STX5: variants seen among roughly 807,000 people sequenced by gnomAD.
STX5 encodes the protein syntaxin-5.
In STX5, 15 loss-of-function variants were observed where a neutral mutation model predicts 42.9. The observed-to-expected ratio is 0.35, with a 90% CI of 0.23 to 0.54. The LOEUF is 0.54. STX5 is among the 20% of genes least tolerant of loss of function. STX5 has a pLI of 0.91. For synonymous variants in STX5, 184 were observed against 173.2 expected (o/e 1.06, Z -0.49); for missense variants, 430 against 455.0 (o/e 0.95, Z 0.50).
Position 62,825,501 on chromosome 11 carries a change from C to T in STX5, c.462G>A (p.Gln154=). Residue 154 remains glutamine (Q), a synonymous_variant, in exon 6 of 11, where the codon CAG becomes CAA. Coordinates refer to ENST00000294179, the MANE Select transcript of STX5 (RefSeq NM_003164.5). ...NSLNKQIAQL[Q]DFVRAKGSQS... ...GGCTGCCCTTGGCTCTCACGAAATC[C>T]TGGAGCTGAGCAATTTGTTTGTTGA... 1 of 1,613,942 alleles carries T rather than the reference C, an allele frequency of 6.2e-7. No homozygotes were observed. The highest frequency in any genetic ancestry group is 8.5e-7 in the Non-Finnish European group (1 of 1,180,042).
At chr11:62,811,346 A>C (rs1484444557) in intron 10 of STX5, among the ~76,000 whole-genome samples, 1 of 151,864 alleles carries the variant, frequency 6.6e-6, no homozygotes, top group Admixed American at 6.6e-5. Flanking sequence ...GAACAAACCT[A>C]ATTCTCACCC....
At chr11:62,811,671 T>C (rs2084618529) in intron 10 of STX5, among the ~76,000 whole-genome samples, 1 of 152,024 alleles carries the variant, frequency 6.6e-6, no homozygotes, top group Non-Finnish European at 1.5e-5. Context: ...TTTTTTTTTT[T>C]TTAATAGACA....
intron 2 of STX5, chr11:62,830,561 AAAC>A (rs1164788529): frequency 1.3e-5 from 6 of 458,608 alleles, no homozygotes; most frequent in African/African-American, 2.0e-5. Flanking sequence ...AACAAAACAA[AAAC>A]AACAAATTAC....
chr11:62,828,811 A>G (rs1445693453), intron 2 of STX5, among the ~76,000 whole-genome samples: 1 of 152,042 alleles, frequency 6.6e-6, no homozygotes, highest in Non-Finnish European at 1.5e-5. Context: ...TCACACCTGT[A>G]ATCCCAGCAT....
At chr11:62,816,722 G>GAA (rs71056565) in intron 10 of STX5, among the ~76,000 whole-genome samples, 5,356 of 90,078 alleles carry the variant, frequency 0.059, 179 homozygotes, top group East Asian at 0.14. Flanking sequence ...CGCCTTTACT[G>GAA]AAAAAAAAAA....
At chr11:62,811,841 C>G (rs1181939325) in intron 10 of STX5, among the ~76,000 whole-genome samples, 1 of 152,038 alleles carries the variant, frequency 6.6e-6, no homozygotes, top group Non-Finnish European at 1.5e-5. Flanking sequence ...CAACTTATGT[C>G]TCTCCTACTA....
chr11:62,824,615 C>G (rs1454421718), intron 8 of STX5, 50 bp from the exon 9 acceptor site: 1 of 1,566,076 alleles, frequency 6.4e-7, no homozygotes, highest in Non-Finnish European at 8.8e-7. Flanking sequence ...AAAGCAGGTT[C>G]AAAGCCCACA....
chr11:62,828,585 G>C (rs985073967), intron 2 of STX5, among the ~76,000 whole-genome samples: 5 of 151,748 alleles, frequency 3.3e-5, no homozygotes, highest in Non-Finnish European at 5.9e-5. Flanking sequence ...ATTTAGCCAG[G>C]TGTGGTGGCA....
At chr11:62,825,196 A>G in intron 7 of STX5, 79 bp from the exon 8 acceptor site, 1 of 1,611,600 alleles carries the variant, frequency 6.2e-7, no homozygotes, top group Non-Finnish European at 8.5e-7. Context: ...CATTGGCCCC[A>G]TGACCCTGTA....
At chr11:62,820,018 T>C (rs768992138) in intron 10 of STX5, among the ~76,000 whole-genome samples, 26 of 151,474 alleles carry the variant, frequency 1.7e-4, no homozygotes, top group Non-Finnish European at 3.7e-4. Flanking sequence ...AGTGGAGTTG[T>C]TGAACAGGAA....
Position 62,807,529 on chromosome 11 carries a change from C to T in STX5, c.1008G>A (p.Met336Ile). The change falls in exon 11 of 11, where the codon ATG becomes ATA. Residue 336 changes from methionine (M) to isoleucine (I), a missense_variant. Physicochemically the swap from Met to Ile is conservative, Grantham distance 10 (BLOSUM62 1). Transcript: ENST00000294179. ...FQSVTSNRWLMVKIFLILIVF... is the reference protein window; with the variant it reads ...FQSVTSNRWLIVKIFLILIVF... ...CAATGAGGATGAGGAAGATTTTGACCATGAGCCACCGGTTGGAGGTGACAG... is the reference window on the plus strand; with the variant it reads ...CAATGAGGATGAGGAAGATTTTGACTATGAGCCACCGGTTGGAGGTGACAG... 6.2e-7 allele frequency: 1 copy of T among 1,614,110 alleles called. No individual in the cohort carries two copies. The highest frequency in any genetic ancestry group is 8.5e-7 in the Non-Finnish European group (1 of 1,180,002).
intron 6 of STX5, 27 bp downstream of exon 6, chr11:62,825,396 C>T: frequency 6.2e-7 from 1 of 1,614,150 alleles, no homozygotes; most frequent in Non-Finnish European, 8.5e-7. Flanking sequence ...TCCTCTTTGC[C>T]TCCCTCCCTT....
intron 10 of STX5, among the ~76,000 whole-genome samples, chr11:62,814,201 T>G (rs1379383965): frequency 6.6e-6 from 1 of 152,160 alleles, no homozygotes; most frequent in African/African-American, 2.4e-5. Flanking sequence ...GTTTCGCTCT[T>G]GTTGCTCAGG....
intron 6 of STX5, 22 bp from the exon 7 acceptor site, chr11:62,825,361 T>A: frequency 6.2e-7 from 1 of 1,613,792 alleles, no homozygotes; most frequent in Non-Finnish European, 8.5e-7. Flanking sequence ...GGAGAGAGGG[T>A]CAACCAAAGA....
At position 62,824,584 on chromosome 11, in the gene STX5, T is replaced by A; in HGVS notation, c.680-19A>T. ...CCACCGCCTGGGGGAGAAAACAGGATGTGGCACACCTTAACAGTTAAAAGC... is the reference window on the plus strand; with the variant it reads ...CCACCGCCTGGGGGAGAAAACAGGAAGTGGCACACCTTAACAGTTAAAAGC... On this transcript the variant is annotated intron_variant, in intron 8 of 10. Coordinates refer to ENST00000294179, the MANE Select transcript of STX5 (RefSeq NM_003164.5). 6.2e-7 allele frequency: 1 copy of A among 1,611,298 alleles called. No homozygotes were observed. Among genetic ancestry groups the A allele is most frequent in the Non-Finnish European group, 8.5e-7 (1 of 1,177,562 alleles).
At chr11:62,821,404 A>G (rs1048226587) in intron 10 of STX5, among the ~76,000 whole-genome samples, 4 of 152,000 alleles carry the variant, frequency 2.6e-5, no homozygotes, top group Non-Finnish European at 4.4e-5. Flanking sequence ...CAAATCCCAG[A>G]GTATACACTA....
At position 62,827,249 on chromosome 11, in the gene STX5, C is replaced by T. The variant is rs200580431; in HGVS notation, c.353-24G>A. On this transcript the variant is annotated intron_variant, in intron 4 of 10. Transcript: ENST00000294179. Reference sequence around the variant, plus strand: ...CACTACAGAGACAAACAAGAAGCCACAATGGGTGAGGTCAAGGACAAAGCT... The same window carrying T: ...CACTACAGAGACAAACAAGAAGCCATAATGGGTGAGGTCAAGGACAAAGCT... 3 of 1,614,030 alleles carry T rather than the reference C, an allele frequency of 1.9e-6. No homozygotes were observed. In the African/African-American group the frequency reaches 4.0e-5, roughly 22 times the overall value.
intron 2 of STX5, among the ~76,000 whole-genome samples, chr11:62,828,127 G>A (rs2084815883): frequency 6.6e-6 from 1 of 151,386 alleles, no homozygotes; most frequent in African/African-American, 2.4e-5. Flanking sequence ...TAACTTTTCT[G>A]TTTTTGAGAC....
In STX5 at chr11:62,832,030, C is replaced by T. The variant is rs372421410; in HGVS notation, c.-96G>A. On this transcript the variant is annotated 5_prime_UTR_variant, in exon 1 of 11. Coordinates refer to ENST00000294179, the MANE Select transcript of STX5 (RefSeq NM_003164.5). ...CTGCCTCCTCCCCGAGCACTGAAGC[C>T]GCCGAAACCCGACCAAAGACTGGAA... The T allele has an allele frequency of 2.1e-6, 1 of 481,908 alleles. No homozygotes were observed. The highest frequency in any genetic ancestry group is 6.3e-5 in the East Asian group (1 of 15,988). The allele number at this position is 481,908 out of a possible 1,614,324, so 29.9% of individuals were successfully genotyped here.
Sources: gnomAD v4.1 joint callset for allele counts (sites outside exome capture counted in the v4.1 genomes callset) on GRCh38, gnomAD v4.1.1 for gene constraint, MANE v1.5 for transcripts, NCBI Gene and HGNC (gene_info 2026-07-23, HGNC 2026-07-21) for gene names.